Variants in BIN3 observed in about 807,000 individuals in gnomAD.
BIN3 encodes the protein bridging integrator 3.
Under a neutral mutation model 38.2 loss-of-function variants are expected in BIN3, and 41 were observed. That is an observed-to-expected ratio of 1.07 (90% confidence interval 0.84 to 1.39). The LOEUF (loss-of-function observed/expected upper bound fraction) is 1.39, where lower values mean the gene tolerates loss of function less well. Ranked by LOEUF, BIN3 falls within the 40% of genes most tolerant of loss-of-function variation. BIN3 has a pLI of 0.00. For synonymous variants in BIN3, 145 were observed against 122.6 expected, an observed-to-expected ratio of 1.18 and a Z score of -1.21; for missense variants, 361 against 324.3, an observed-to-expected ratio of 1.11 and a Z score of -0.87.
chr8:22,638,047 G>A (rs1486807643), intron 2 of BIN3, among the ~76,000 whole-genome samples: 1 of 150,012 alleles, frequency 6.7e-6, no homozygotes. Context: ...TCATTCTCCT[G>A]GAAGGCATTT....
chr8:22,633,730 C>G (rs1158177828), intron 4 of BIN3, among the ~76,000 whole-genome samples: 1 of 152,242 alleles, frequency 6.6e-6, no homozygotes, highest in Non-Finnish European at 1.5e-5. Flanking sequence ...CAGGGACACA[C>G]ATTTTCAGGT....
At chr8:22,656,153 T>C (rs1803049830) in intron 1 of BIN3, among the ~76,000 whole-genome samples, 1 of 152,134 alleles carries the variant, frequency 6.6e-6, no homozygotes, top group Non-Finnish European at 1.5e-5. Flanking sequence ...GATCCTATTT[T>C]TGGTTTGCTC....
chr8:22,644,124 G>GATGGTCTCTAT (rs1563966851), intron 2 of BIN3, among the ~76,000 whole-genome samples: 11 of 152,374 alleles, frequency 7.2e-5, no homozygotes, highest in Non-Finnish European at 1.0e-4. Context: ...GGAAAAATCA[G>GATGGTCTCTAT]GAGGTTGGAC....
At chr8:22,647,168 T>C (rs974898186) in intron 1 of BIN3, among the ~76,000 whole-genome samples, 2 of 152,138 alleles carry the variant, frequency 1.3e-5, no homozygotes, top group African/African-American at 2.4e-5. Flanking sequence ...TCCAAGAATA[T>C]GGGGAGTAGG....
intron 1 of BIN3, among the ~76,000 whole-genome samples, chr8:22,656,968 G>T (rs531183990): frequency 6.6e-6 from 1 of 152,186 alleles, no homozygotes; most frequent in Non-Finnish European, 1.5e-5. Flanking sequence ...TCAAGGGCAA[G>T]GACTGAATGT....
intron 1 of BIN3, among the ~76,000 whole-genome samples, chr8:22,647,999 G>T (rs1206869438): frequency 6.6e-6 from 1 of 152,042 alleles, no homozygotes; most frequent in South Asian, 2.1e-4. Context: ...GCTGGGCATG[G>T]TGGCGGGCAC....
intron 8 of BIN3, among the ~76,000 whole-genome samples, chr8:22,623,087 C>G (rs1801883243): frequency 6.6e-6 from 1 of 152,228 alleles, no homozygotes; most frequent in Non-Finnish European, 1.5e-5. Flanking sequence ...ACCACCCGGG[C>G]CAGGAGGGGC....
intron 8 of BIN3, among the ~76,000 whole-genome samples, chr8:22,623,351 C>T (rs1176813961): frequency 6.6e-6 from 1 of 152,222 alleles, no homozygotes; most frequent in Admixed American, 6.5e-5. Flanking sequence ...GTCTGACCCC[C>T]AGTGGCGCCC....
chr8:22,625,023 G>A (rs1801961157), intron 6 of BIN3: 2 of 380,112 alleles, frequency 5.3e-6, no homozygotes, highest in South Asian at 1.4e-4. Context: ...CATGAAAGCA[G>A]CAGAAATCCT....
chr8:22,649,850 C>CACACCCAT (rs1554571393), intron 1 of BIN3, among the ~76,000 whole-genome samples: 1 of 120,552 alleles, frequency 8.3e-6, no homozygotes, highest in Non-Finnish European at 1.8e-5. Context: ...CACACACACA[C>CACACCCAT]ACACACACCC....
chr8:22,660,614 A>AGGGGCGG (rs1375644030), intron 1 of BIN3, among the ~76,000 whole-genome samples: 1 of 152,200 alleles, frequency 6.6e-6, no homozygotes, highest in East Asian at 1.9e-4. Flanking sequence ...CCCGTGGGGC[A>AGGGGCGG]GGGGCGGGGG....
At chr8:22,667,512 A>C (rs1803459488) in intron 1 of BIN3, among the ~76,000 whole-genome samples, 1 of 152,252 alleles carries the variant, frequency 6.6e-6, no homozygotes, top group Non-Finnish European at 1.5e-5. Context: ...CAAAGATTCA[A>C]GACGCAGCAG....
chr8:22,641,555 T>C (rs3779727), intron 2 of BIN3, among the ~76,000 whole-genome samples: 7,799 of 152,248 alleles, frequency 0.051, 642 homozygotes, highest in African/African-American at 0.17. Flanking sequence ...ATCCTCAGCA[T>C]TCTGGGAAGC....
At chr8:22,628,135 CA>C (rs1287730797) in intron 6 of BIN3, among the ~76,000 whole-genome samples, 3 of 152,246 alleles carry the variant, frequency 2.0e-5, no homozygotes, top group African/African-American at 7.2e-5. Flanking sequence ...GAATGCCTGC[CA>C]TGCCTTGGTC....
chr8:22,641,902 C>T (rs1360978487), intron 2 of BIN3, among the ~76,000 whole-genome samples: 1 of 152,168 alleles, frequency 6.6e-6, no homozygotes, highest in Non-Finnish European at 1.5e-5. Flanking sequence ...GCTCCCGCCA[C>T]TTTATGGGAC....
intron 1 of BIN3, among the ~76,000 whole-genome samples, chr8:22,649,839 ACACACACACACACACACACC>A (rs1483886700): frequency 1.1e-3 from 145 of 132,056 alleles, no homozygotes; most frequent in African/African-American, 4.2e-3. Context: ...ACACACACAC[ACACACACACACACACACACC>A]CCCAAAGGAA....
At chr8:22,649,064 TA>T (rs1181551304) in intron 1 of BIN3, among the ~76,000 whole-genome samples, 1 of 152,168 alleles carries the variant, frequency 6.6e-6, no homozygotes, top group African/African-American at 2.4e-5. Flanking sequence ...TGTGCTTCTG[TA>T]ATATGTTCTC....
chr8:22,666,257 A>G (rs1006211611), intron 1 of BIN3, among the ~76,000 whole-genome samples: 1 of 151,776 alleles, frequency 6.6e-6, no homozygotes, highest in African/African-American at 2.4e-5. Flanking sequence ...CCATACCATA[A>G]TAAAGCCACC....
intron 1 of BIN3, among the ~76,000 whole-genome samples, chr8:22,663,321 C>G (rs1238522935): frequency 6.6e-6 from 1 of 151,326 alleles, no homozygotes; most frequent in Non-Finnish European, 1.5e-5. Context: ...CTTATAGTCC[C>G]AGCCACTCAG....
Sources: allele counts gnomAD v4.1 joint callset (sites outside exome capture counted in the v4.1 genomes callset), GRCh38; gene constraint gnomAD v4.1.1; transcripts MANE v1.5; gene names NCBI Gene and HGNC (gene_info 2026-07-23, HGNC 2026-07-21).